MAGI1: variants seen among roughly 807,000 people sequenced by gnomAD.
The protein encoded by MAGI1 is membrane associated guanylate kinase, WW and PDZ domain containing 1.
MAGI1 carries 58 observed loss-of-function variants against 139.9 expected under a neutral mutation model. The observed-to-expected ratio is 0.41, with a 90% CI of 0.34 to 0.52. The LOEUF is 0.52. Among genes scored for constraint, MAGI1 ranks in the 20% least tolerant of loss-of-function variants. The pLI, the probability that MAGI1 is intolerant of heterozygous loss-of-function variation, is 0.12. For synonymous variants in MAGI1, 812 were observed against 737.9 expected (o/e 1.10, Z -1.63); for missense variants, 1,874 against 1,901.6 (o/e 0.99, Z 0.27).
intron 12 of MAGI1, among the ~76,000 whole-genome samples, chr3:65,422,853 G>T (rs945513847): frequency 6.6e-5 from 10 of 152,166 alleles, no homozygotes; most frequent in African/African-American, 2.4e-4. Flanking sequence ...GACAGAAGGA[G>T]ATGTAAGTGC....
At chr3:65,574,718 C>A (rs750671678) in intron 2 of MAGI1, among the ~76,000 whole-genome samples, 8 of 151,998 alleles carry the variant, frequency 5.3e-5, no homozygotes, top group African/African-American at 9.7e-5. Context: ...CATTATAAAT[C>A]TCCAGTAATC....
At chr3:66,018,119 G>A (rs116225318) in intron 1 of MAGI1, among the ~76,000 whole-genome samples, 8,151 of 132,460 alleles carry the variant, frequency 0.062, 846 homozygotes, top group South Asian at 0.078. Context: ...TTGGTGGGGG[G>A]GGGGGGTGTC....
intron 10 of MAGI1, among the ~76,000 whole-genome samples, chr3:65,432,419 A>G (rs531046212): frequency 6.6e-5 from 10 of 152,292 alleles, no homozygotes; most frequent in Admixed American, 3.9e-4. Flanking sequence ...TTGGTTAGTT[A>G]TATCTAAAAG....
At chr3:65,889,757 C>T (rs993715312) in intron 1 of MAGI1, among the ~76,000 whole-genome samples, 3 of 152,104 alleles carry the variant, frequency 2.0e-5, no homozygotes, top group East Asian at 3.9e-4. Context: ...AGAAAATTTA[C>T]ACTCATAGTA....
chr3:65,450,251 T>C (rs1248277647), intron 6 of MAGI1, among the ~76,000 whole-genome samples: 1 of 152,158 alleles, frequency 6.6e-6, no homozygotes, highest in Non-Finnish European at 1.5e-5. Context: ...GTGGAGGTTG[T>C]CAGCGATAAC....
intron 1 of MAGI1, among the ~76,000 whole-genome samples, chr3:65,756,232 G>A (rs974720930): frequency 4.6e-5 from 7 of 152,092 alleles, no homozygotes; most frequent in African/African-American, 1.7e-4. Flanking sequence ...AAGAGTTAGA[G>A]ACTAAACTCT....
chr3:65,593,617 T>G (rs58006558), intron 2 of MAGI1, among the ~76,000 whole-genome samples: 2 of 152,212 alleles, frequency 1.3e-5, no homozygotes, highest in Non-Finnish European at 2.9e-5. Flanking sequence ...TGTACTTTTT[T>G]GCATTGCTTT....
At chr3:65,643,444 T>C (rs1184780570) in intron 1 of MAGI1, among the ~76,000 whole-genome samples, 2 of 152,148 alleles carry the variant, frequency 1.3e-5, no homozygotes, top group South Asian at 2.1e-4. Flanking sequence ...CAGACATACC[T>C]TTCCCTATTC....
chr3:66,012,001 T>C (rs1408195019), intron 1 of MAGI1, among the ~76,000 whole-genome samples: 2 of 152,176 alleles, frequency 1.3e-5, no homozygotes, highest in East Asian at 1.9e-4. Flanking sequence ...AGATGTCCAA[T>C]ACTTCCTTTT....
intron 1 of MAGI1, among the ~76,000 whole-genome samples, chr3:66,001,355 G>A (rs1421502612): frequency 1.3e-5 from 2 of 152,076 alleles, no homozygotes; most frequent in Non-Finnish European, 2.9e-5. Flanking sequence ...AAATTATTAT[G>A]ATTATGCTAG....
chr3:65,447,967 A>G (rs916739549), intron 7 of MAGI1, 55 bp downstream of exon 7: 3 of 1,590,054 alleles, frequency 1.9e-6, no homozygotes, highest in East Asian at 4.5e-5. Context: ...GAAGAAAACC[A>G]TGCAGGCCAT....
intron 12 of MAGI1, among the ~76,000 whole-genome samples, chr3:65,428,508 G>A (rs532382892): frequency 5.3e-5 from 8 of 152,102 alleles, no homozygotes; most frequent in Non-Finnish European, 1.2e-4. Flanking sequence ...ACTACTAAAC[G>A]CGAGCATGTG....
intron 1 of MAGI1, among the ~76,000 whole-genome samples, chr3:65,767,362 T>C (rs1208486557): frequency 6.6e-6 from 1 of 152,012 alleles, no homozygotes; most frequent in Non-Finnish European, 1.5e-5. Flanking sequence ...CCCAGCACTT[T>C]GGGAGGCCAC....
intron 1 of MAGI1, among the ~76,000 whole-genome samples, chr3:65,694,962 A>G (rs1301208693): frequency 6.6e-6 from 1 of 152,140 alleles, no homozygotes; most frequent in Non-Finnish European, 1.5e-5. Flanking sequence ...TTCAGGTACA[A>G]AGTGTGAAAT....
chr3:65,719,570 G>C (rs1201245143), intron 1 of MAGI1, among the ~76,000 whole-genome samples: 1 of 146,304 alleles, frequency 6.8e-6, no homozygotes, highest in Non-Finnish European at 1.5e-5. Context: ...TTTTGAAACA[G>C]GGTCTCACTC....
rs769401664 is a variant in MAGI1 at position 65,361,213 on chromosome 3, G to A, written c.3620C>T (p.Ser1207Leu). The change falls in exon 22 of 23, where the codon TCA (serine) becomes TTA (leucine). Residue 1207 changes from serine to leucine, a missense_variant. Ser to Leu is a moderately radical substitution (Grantham distance 145). Transcript: ENST00000402939. Reference protein sequence around the residue: ...VRLFLKRGDGSVPEYDPSSDR... With the variant: ...VRLFLKRGDGLVPEYDPSSDR... ...GTTTGACCCACCATATTCTGGTACT[G>A]AGCCGTCTCCCCGCTTCAGAAACAG... The A allele has an allele frequency of 1.4e-5, 23 of 1,614,062 alleles. No homozygotes were observed. Among genetic ancestry groups the A allele is most frequent in the African/African-American group, 2.7e-5 (2 of 74,928 alleles).
At chr3:65,945,386 C>G (rs1259346828) in intron 1 of MAGI1, among the ~76,000 whole-genome samples, 1 of 152,158 alleles carries the variant, frequency 6.6e-6, no homozygotes, top group Admixed American at 6.5e-5. Flanking sequence ...GGCTGATGAT[C>G]TGGGGACCAC....
chr3:65,442,646 A>C, intron 8 of MAGI1, 146 bp downstream of exon 8: 1 of 550,778 alleles, frequency 1.8e-6, no homozygotes. Context: ...TTTCTCATTC[A>C]TTAATATATG....
At chr3:65,401,394 T>TC in intron 13 of MAGI1, 45 bp downstream of exon 13, 1 of 451,846 alleles carries the variant, frequency 2.2e-6, no homozygotes, top group South Asian at 2.0e-5. Context: ...CCCCCCACCA[T>TC]CCACCCCAGC....
Sources: allele counts gnomAD v4.1 joint callset (sites outside exome capture counted in the v4.1 genomes callset), GRCh38; gene constraint gnomAD v4.1.1; transcripts MANE v1.5; gene names NCBI Gene and HGNC (gene_info 2026-07-23, HGNC 2026-07-21).